GLG1: variants seen among roughly 807,000 people sequenced by gnomAD.
The protein encoded by GLG1 is Golgi apparatus protein 1.
GLG1 carries 38 observed loss-of-function variants against 160.5 expected under a neutral mutation model. That is an observed-to-expected ratio of 0.24 (90% CI 0.18 to 0.31). The LOEUF is 0.31. GLG1 is among the 10% of genes least tolerant of loss of function. The probability of loss-of-function intolerance (pLI) is 1.00; values close to 1 mark genes in which losing one functional copy is unlikely to be tolerated. For synonymous variants in GLG1, 644 were observed against 543.4 expected (o/e 1.19, Z -2.57); for missense variants, 1,373 against 1,505.2 (o/e 0.91, Z 1.45).
At chr16:74,479,811 A>T (rs946734519) in intron 11 of GLG1, among the ~76,000 whole-genome samples, 2 of 152,166 alleles carry the variant, frequency 1.3e-5, no homozygotes, top group African/African-American at 4.8e-5. Context: ...CAAGAGACTG[A>T]GGTATGGAGG....
At chr16:74,570,559 A>C (rs4363880) in intron 1 of GLG1, among the ~76,000 whole-genome samples, 31 of 152,164 alleles carry the variant, frequency 2.0e-4, no homozygotes, top group Non-Finnish European at 3.1e-4. Context: ...CCCTTTCTGA[A>C]AGCACAGCCC....
At chr16:74,502,771 C>T (rs575793763) in intron 4 of GLG1, among the ~76,000 whole-genome samples, 41 of 141,372 alleles carry the variant, frequency 2.9e-4, no homozygotes, top group South Asian at 2.2e-4. Context: ...GGGGTTTCAC[C>T]GTGTTAGCCA....
intron 1 of GLG1, among the ~76,000 whole-genome samples, chr16:74,560,681 G>T (rs557267120): frequency 4.3e-4 from 65 of 152,146 alleles, no homozygotes; most frequent in African/African-American, 1.4e-3. Context: ...GCAACTAATT[G>T]TAAGAAAAAT....
chr16:74,464,231 G>C (rs918636781), intron 19 of GLG1, among the ~76,000 whole-genome samples: 4 of 152,158 alleles, frequency 2.6e-5, no homozygotes, highest in African/African-American at 4.8e-5. Flanking sequence ...GTTTAAGCAT[G>C]AATGTAACAC....
intron 4 of GLG1, among the ~76,000 whole-genome samples, chr16:74,502,875 T>TA (rs1455423596): frequency 6.7e-6 from 1 of 150,368 alleles, no homozygotes; most frequent in African/African-American, 2.4e-5. Context: ...CGGCCAGTAA[T>TA]TTTTTTTATA....
rs1958587641 is a variant in GLG1, at chr16:74,606,967, C to G, written c.128G>C (p.Gly43Ala). Residue 43 changes from glycine to alanine, a missense_variant, in exon 1 of 26, where the codon GGG becomes GCG. Gly to Ala is a moderately conservative substitution (Grantham distance 60, BLOSUM62 0). Around this residue, in one of 4 missense-constraint regions of GLG1, gnomAD observed 322 missense variants for 254.6 expected, o/e 1.26. Coordinates refer to ENST00000422840, the MANE Select transcript of GLG1 (RefSeq NM_001145667.2). ...CCCTACGAAGGACACAAAGTTGGCCCCGGGACCCTGGCCCTGGCTGTGGAC... is the reference window on the plus strand; with the variant it reads ...CCCTACGAAGGACACAAAGTTGGCCGCGGGACCCTGGCCCTGGCTGTGGAC... ...QGVHSQGQGP[G>A]ANFVSFVGQA... is the part of the protein sequence containing the mutation. 1 of 1,608,446 alleles carries G rather than the reference C, an allele frequency of 6.2e-7. No homozygotes were observed. Among genetic ancestry groups the G allele is most frequent in the Non-Finnish European group, 8.5e-7 (1 of 1,178,876 alleles).
At chr16:74,466,398 A>T (rs11864199) in intron 18 of GLG1, among the ~76,000 whole-genome samples, 2,293 of 152,338 alleles carry the variant, frequency 0.015, 43 homozygotes, top group African/African-American at 0.053. Context: ...TATATCCTGA[A>T]ATCTTCCCTT....
chr16:74,533,908 CAG>C (rs2017615254), intron 1 of GLG1, among the ~76,000 whole-genome samples: 1 of 152,088 alleles, frequency 6.6e-6, no homozygotes. Context: ...TTAAAATAAA[CAG>C]ATGTTTTCTA....
In GLG1 at chr16:74,582,621, C is replaced by G. The variant is rs547839699; in HGVS notation, c.438+24036G>C. 4.0e-5 allele frequency among the ~76,000 whole-genome samples: 6 copies of G among 151,606 alleles called. No homozygotes were observed. In the East Asian group the frequency reaches 7.9e-4, roughly 20 times the overall value. ...GGATCACGAGGTCAGGAGATCAAGA[C>G]CATCCTGGCTAACACAGTGAAACCC... On this transcript the variant is annotated intron_variant, in intron 1 of 25. Coordinates refer to ENST00000422840, the MANE Select transcript of GLG1 (RefSeq NM_001145667.2).
rs1392292365 is a variant in GLG1 at position 74,461,956 on chromosome 16, G to A, written c.3036+138C>T. On this transcript the variant is annotated intron_variant, in intron 22 of 25. Transcript: ENST00000422840. ...CAGTGTTACAAAGAACAGGAATGCA[G>A]ACCATGGAGAGCCTAGAAGATGGCC... 3 of 593,594 alleles carry A rather than the reference G, an allele frequency of 5.1e-6. No individual in the cohort carries two copies. In the Admixed American group the frequency reaches 9.2e-5, roughly 18 times the overall value. 36.8% of individuals were successfully genotyped at this position (593,594 alleles called of 1,614,324 possible).
chr16:74,588,811 C>T (rs1958107738), intron 1 of GLG1, among the ~76,000 whole-genome samples: 1 of 152,128 alleles, frequency 6.6e-6, no homozygotes, highest in South Asian at 2.1e-4. Context: ...TCATATCTAC[C>T]ACACATGGTT....
At chr16:74,569,737 C>T (rs184651722) in intron 1 of GLG1, among the ~76,000 whole-genome samples, 1 of 151,870 alleles carries the variant, frequency 6.6e-6, no homozygotes, top group Non-Finnish European at 1.5e-5. Context: ...GTGGGGCTCA[C>T]CTGTAATTCC....
At chr16:74,485,492 T>C (rs2015757150) in intron 9 of GLG1, among the ~76,000 whole-genome samples, 1 of 152,258 alleles carries the variant, frequency 6.6e-6, no homozygotes, top group Non-Finnish European at 1.5e-5. Context: ...TGTTTCTCTC[T>C]TTCATTTTAA....
intron 2 of GLG1, among the ~76,000 whole-genome samples, chr16:74,513,185 C>A (rs1299080713): frequency 6.6e-6 from 1 of 152,066 alleles, no homozygotes; most frequent in African/African-American, 2.4e-5. Context: ...CATCTGATTA[C>A]ACTGGAGAAG....
chr16:74,541,628 A>G (rs1207261852), intron 1 of GLG1, among the ~76,000 whole-genome samples: 3 of 152,230 alleles, frequency 2.0e-5, no homozygotes, highest in Non-Finnish European at 4.4e-5. Flanking sequence ...TTCAAATATT[A>G]TAGAAGGCTT....
chr16:74,477,934 C>T (rs1427852900), intron 11 of GLG1, among the ~76,000 whole-genome samples: 1 of 151,252 alleles, frequency 6.6e-6, no homozygotes, highest in Non-Finnish European at 1.5e-5. Context: ...GATTGCACTA[C>T]TGCACTCCAG....
chr16:74,588,394 A>G (rs1325003251), intron 1 of GLG1, among the ~76,000 whole-genome samples: 1 of 152,156 alleles, frequency 6.6e-6, no homozygotes, highest in Non-Finnish European at 1.5e-5. Flanking sequence ...AAAAGATTTG[A>G]ATTTAAGCTT....
chr16:74,504,558 G>C (rs1437957153), intron 3 of GLG1, among the ~76,000 whole-genome samples: 1 of 152,204 alleles, frequency 6.6e-6, no homozygotes, highest in Non-Finnish European at 1.5e-5. Flanking sequence ...AAAGTGCTGG[G>C]ATTATAAGCG....
Position 74,475,779 on chromosome 16 carries a change from T to C in GLG1, c.1966-1147A>G, listed in dbSNP as rs373467436. On this transcript the variant is annotated intron_variant, in intron 12 of 25. Transcript: ENST00000422840. ...GAATGTGAGGGGAAGAGAGGAGTTG[T>C]AGGAATTATACAACAGCCAGAATGG... Among the ~76,000 whole-genome samples, 8 of 152,284 alleles carry C rather than the reference T, an allele frequency of 5.3e-5. No homozygotes were observed. In the South Asian group the frequency reaches 8.3e-4, roughly 16 times the overall value.
Sources: allele counts gnomAD v4.1 joint callset (sites outside exome capture counted in the v4.1 genomes callset), GRCh38; gene constraint gnomAD v4.1.1; regional missense constraint gnomAD v4.1.1; transcripts MANE v1.5; gene names NCBI Gene and HGNC (gene_info 2026-07-23, HGNC 2026-07-21).